Variants in COG6 observed in about 807,000 individuals in gnomAD.
COG6 encodes the protein conserved oligomeric Golgi complex subunit 6.
Under a neutral mutation model 88.8 loss-of-function variants are expected in COG6, and 74 were observed. That is an observed-to-expected ratio of 0.83 (90% confidence interval 0.69 to 1.01). COG6 has a LOEUF of 1.01. Ranked by LOEUF, COG6 falls within the 50% of genes least tolerant of loss-of-function variation. The probability of loss-of-function intolerance (pLI) is 0.00; values close to 1 mark genes in which losing one functional copy is unlikely to be tolerated. For synonymous variants in COG6, 286 were observed against 278.7 expected (o/e 1.03, Z -0.26); for missense variants, 800 against 797.9 (o/e 1.00, Z -0.03).
intron 4 of COG6, among the ~76,000 whole-genome samples, chr13:39,676,249 G>C (rs2137979929): frequency 6.6e-6 from 1 of 151,864 alleles, no homozygotes; most frequent in Non-Finnish European, 1.5e-5. Context: ...ACTCTAAATG[G>C]ATTAAAGAGT....
intron 18 of COG6, among the ~76,000 whole-genome samples, chr13:39,748,283 A>C (rs1159438224): frequency 6.6e-6 from 1 of 152,192 alleles, no homozygotes; most frequent in Non-Finnish European, 1.5e-5. Flanking sequence ...TTGTCAAGCA[A>C]ATTTAATTAC....
At chr13:39,772,362 C>G (rs1881342929) in intron 18 of COG6, among the ~76,000 whole-genome samples, 1 of 152,174 alleles carries the variant, frequency 6.6e-6, no homozygotes, top group African/African-American at 2.4e-5. Flanking sequence ...CTCTTGAGTC[C>G]TATCGTGTGT....
rs931392855 is a variant in COG6 at position 39,768,589 on chromosome 13, G to A, written c.1827-19746G>A. On this transcript the variant is annotated intron_variant, in intron 18 of 18. Coordinates refer to the COG6 transcript ENST00000416691. ...ATGTTTTTTCTTTTTAGTCATCTAG[G>A]CTCTAGGTTCCTGGGGGTGGGAGTC... Among the ~76,000 whole-genome samples, 25 of 152,206 alleles carry A rather than the reference G, an allele frequency of 1.6e-4. 1 individual carries two copies. The highest frequency in any genetic ancestry group is 6.0e-4 in the African/African-American group (25 of 41,508).
rs538888057 is a variant in COG6 at position 39,791,586 on chromosome 13, C to A, written c.*3230C>A. On this transcript the variant is annotated 3_prime_UTR_variant, in exon 19 of 19. Coordinates refer to the COG6 transcript ENST00000416691. ...TAGATTATATATCTGAAAAAAAAACCTTCTCATTACAGAACATATACAAAA... is the reference window on the plus strand; with the variant it reads ...TAGATTATATATCTGAAAAAAAAACATTCTCATTACAGAACATATACAAAA... The A allele has an allele frequency of 4.0e-5, 6 of 151,842 alleles. No homozygotes were observed. In the South Asian group the frequency reaches 1.0e-3, roughly 26 times the overall value. The allele number at this position is 151,842 out of a possible 1,614,324, so 9.4% of individuals were successfully genotyped here.
rs1161977380 is a variant in COG6 at position 39,665,155 on chromosome 13, G to A, written c.428+1G>A. On this transcript the variant is annotated splice_donor_variant, in intron 4 of 18. Transcript: ENST00000455146. LOFTEE classifies it high-confidence loss of function. ...AAACCACTAAGCTTCAATCTGAAAG[G>A]TAAGTTTTTCTTCATACAACCACCT... 2.7e-6 allele frequency: 4 copies of A among 1,508,928 alleles called. No individual in the cohort carries two copies. The highest frequency in any genetic ancestry group is 3.7e-6 in the Non-Finnish European group (4 of 1,085,394). 93.5% of individuals were successfully genotyped at this position (1,508,928 alleles called of 1,614,324 possible).
chr13:39,674,409 A>G (rs1198710636), intron 4 of COG6, among the ~76,000 whole-genome samples: 2 of 152,154 alleles, frequency 1.3e-5, no homozygotes, highest in African/African-American at 4.8e-5. Flanking sequence ...TAGAATTAAG[A>G]TACGACAGAG....
intron 18 of COG6, among the ~76,000 whole-genome samples, chr13:39,778,721 A>G (rs1881542606): frequency 6.6e-6 from 1 of 152,216 alleles, no homozygotes; most frequent in African/African-American, 2.4e-5. Flanking sequence ...CTCAGGGGCT[A>G]TCATGGTTGT....
chr13:39,747,726 G>A (rs1880416550), intron 18 of COG6, among the ~76,000 whole-genome samples: 1 of 152,106 alleles, frequency 6.6e-6, no homozygotes, highest in Non-Finnish European at 1.5e-5. Flanking sequence ...ATTTTCAGCT[G>A]TATTGTTAGT....
chr13:39,659,030 G>GT (rs2137940899), intron 1 of COG6, among the ~76,000 whole-genome samples: 1 of 117,982 alleles, frequency 8.5e-6, no homozygotes, highest in Non-Finnish European at 1.8e-5. Context: ...CTTATACTAC[G>GT]TAAGTGCATA....
At chr13:39,767,818 C>CA (rs1169718648) in intron 18 of COG6, among the ~76,000 whole-genome samples, 4 of 152,228 alleles carry the variant, frequency 2.6e-5, no homozygotes, top group African/African-American at 9.6e-5. Flanking sequence ...CCCAATTTTA[C>CA]AGCTTGCTCT....
At chr13:39,685,095 T>G (rs941276770) in intron 8 of COG6, among the ~76,000 whole-genome samples, 1 of 152,190 alleles carries the variant, frequency 6.6e-6, no homozygotes, top group Non-Finnish European at 1.5e-5. Flanking sequence ...TCTTTTAATT[T>G]GCTTTTTGAT....
At chr13:39,775,848 C>T (rs1365693666) in intron 18 of COG6, among the ~76,000 whole-genome samples, 1 of 151,230 alleles carries the variant, frequency 6.6e-6, no homozygotes, top group Non-Finnish European at 1.5e-5. Flanking sequence ...CGGCTCACTG[C>T]GACCTCTGCC....
intron 8 of COG6, 80 bp from the exon 9 acceptor site, chr13:39,687,423 G>A: frequency 7.7e-7 from 1 of 1,290,840 alleles, no homozygotes; most frequent in South Asian, 1.2e-5. Context: ...GTACTTGGTT[G>A]TCTCAGAAAT....
At position 39,752,010 on chromosome 13, in the gene COG6, T is replaced by C. The variant is rs1356172528; in HGVS notation, c.*917T>C. 2.4e-6 allele frequency: 3 copies of C among 1,262,982 alleles called. No individual in the cohort carries two copies. In the African/African-American group the frequency reaches 4.6e-5, roughly 19 times the overall value. The allele number at this position is 1,262,982 out of a possible 1,614,324, so 78.2% of individuals were successfully genotyped here. The stretch of plus-strand genomic sequence containing the variant: ...GAGAAAAAAACTGCCAGAGGAGGAG[T>C]TGCCAATTGGCAGTGTGTCTTATCT... On this transcript the variant is annotated 3_prime_UTR_variant, in exon 19 of 19. Transcript: ENST00000455146.
chr13:39,713,707 G>A (rs7335799), intron 13 of COG6, among the ~76,000 whole-genome samples: 62,557 of 151,816 alleles, frequency 0.41, 13,249 homozygotes, highest in Admixed American at 0.57. Flanking sequence ...CTGCACTCCA[G>A]CCTAGGCAAC....
In COG6 at chr13:39,706,215, T is replaced by TTATA. The variant is rs141224881; in HGVS notation, c.1284+6608_1284+6611dup. ...ACACTTCTTTTATATATATACTCCT[T>TTATA]TATATATATATATACTCCTTTATAT... On this transcript the variant is annotated intron_variant, in intron 13 of 18. Transcript: ENST00000455146. Among the ~76,000 whole-genome samples, 927 of 126,666 alleles carry TTATA rather than the reference T, an allele frequency of 7.3e-3. 36 individuals carry two copies. The highest frequency in any genetic ancestry group is 0.022 in the African/African-American group (764 of 34,336). The allele number at this position is 126,666 out of a possible 152,430, so 83.1% of individuals were successfully genotyped here.
chr13:39,723,577 C>T (rs1878969440), intron 16 of COG6, 137 bp downstream of exon 16: 2 of 663,554 alleles, frequency 3.0e-6, no homozygotes, highest in Admixed American at 2.2e-5. Context: ...TTTTCTGTAT[C>T]TGTTTCCTTA....
chr13:39,695,187 G>A (rs1449904206), intron 12 of COG6, among the ~76,000 whole-genome samples: 3 of 151,572 alleles, frequency 2.0e-5, no homozygotes, highest in Non-Finnish European at 3.0e-5. Context: ...TTCTATTCTG[G>A]ATGTAAATAA....
intron 18 of COG6, among the ~76,000 whole-genome samples, chr13:39,767,042 G>A (rs1269245546): frequency 3.3e-5 from 5 of 152,134 alleles, no homozygotes; most frequent in Non-Finnish European, 7.4e-5. Context: ...TATGATCAGT[G>A]TTTTGTGTAC....
Sources: allele counts gnomAD v4.1 joint callset (sites outside exome capture counted in the v4.1 genomes callset), GRCh38; gene constraint gnomAD v4.1.1; transcripts MANE v1.5; gene names NCBI Gene and HGNC (gene_info 2026-07-23, HGNC 2026-07-21).